The following ZFPM2 variants were observed in gnomAD, a reference collection of about 807,000 sequenced individuals.
The protein encoded by ZFPM2 is zinc finger protein, FOG family member 2, also known as zinc finger protein ZFPM2.
ZFPM2 carries 20 observed loss-of-function variants against 98.6 expected under a neutral mutation model. That is an observed-to-expected ratio of 0.20 (90% confidence interval 0.14 to 0.29). The LOEUF (loss-of-function observed/expected upper bound fraction) is 0.29, where lower values mean the gene tolerates loss of function less well. Ranked by LOEUF, ZFPM2 falls within the 10% of genes least tolerant of loss-of-function variation. ZFPM2 has a pLI of 1.00. For missense variants in ZFPM2, 1,310 were observed against 1,388.6 expected, an observed-to-expected ratio of 0.94 and a Z score of 0.90; for synonymous variants, 518 against 502.7, an observed-to-expected ratio of 1.03 and a Z score of -0.41.
At chr8:105,412,326 G>A (rs911878389) in intron 1 of ZFPM2, among the ~76,000 whole-genome samples, 3 of 151,554 alleles carry the variant, frequency 2.0e-5, no homozygotes, top group Non-Finnish European at 4.4e-5. Flanking sequence ...CACAGATCTC[G>A]TTTTTAATAA....
chr8:105,478,835 T>C (rs1813060900), intron 3 of ZFPM2, among the ~76,000 whole-genome samples: 1 of 152,220 alleles, frequency 6.6e-6, no homozygotes, highest in Non-Finnish European at 1.5e-5. Flanking sequence ...TAATCAGTAT[T>C]CAGTTATCCT....
At position 105,711,515 on chromosome 8, in the gene ZFPM2, C is replaced by T. The variant is rs144955703; in HGVS notation, c.532+77158C>T. On this transcript the variant is annotated intron_variant, in intron 5 of 7. Transcript: ENST00000407775. ...TGTCACCTGGCTCAAATCCTCTCTT[C>T]TAGACATACTCTTTGTAATTCCTAT... Among the ~76,000 whole-genome samples, 433 of 152,182 alleles carry T rather than the reference C, an allele frequency of 2.8e-3. 2 individuals carry two copies. Among genetic ancestry groups the T allele is most frequent in the African/African-American group, 9.4e-3 (389 of 41,554 alleles).
intron 1 of ZFPM2, among the ~76,000 whole-genome samples, chr8:105,413,873 G>A (rs1206418221): frequency 2.0e-5 from 3 of 151,916 alleles, no homozygotes; most frequent in East Asian, 3.9e-4. Context: ...GGATACATTG[G>A]GAAGCTCTGG....
chr8:105,630,534 T>C (rs1003359641), intron 4 of ZFPM2, among the ~76,000 whole-genome samples: 1 of 152,202 alleles, frequency 6.6e-6, no homozygotes, highest in Non-Finnish European at 1.5e-5. Flanking sequence ...TTCTGCCTTA[T>C]TGATTTGGAC....
chr8:105,739,282 G>A (rs1397583957), intron 5 of ZFPM2, among the ~76,000 whole-genome samples: 1 of 152,000 alleles, frequency 6.6e-6, no homozygotes, highest in Non-Finnish European at 1.5e-5. Flanking sequence ...TTGGCCTTTA[G>A]CATGGTAACG....
At chr8:105,622,958 T>C (rs925046862) in intron 4 of ZFPM2, among the ~76,000 whole-genome samples, 14 of 152,166 alleles carry the variant, frequency 9.2e-5, no homozygotes, top group Non-Finnish European at 4.4e-5. Context: ...CTTATACCCA[T>C]CTATAAACAT....
intron 1 of ZFPM2, among the ~76,000 whole-genome samples, chr8:105,409,018 G>T (rs913954582): frequency 3.3e-5 from 5 of 151,850 alleles, no homozygotes. Flanking sequence ...GTATTGGAGT[G>T]AGGAATGCTG....
chr8:105,513,419 A>G (rs1387594821), intron 3 of ZFPM2, among the ~76,000 whole-genome samples: 2 of 152,194 alleles, frequency 1.3e-5, no homozygotes, highest in South Asian at 2.1e-4. Context: ...TTTAAGGTCT[A>G]TATAAGGAGC....
At chr8:105,613,487 T>G (rs569767535) in intron 4 of ZFPM2, among the ~76,000 whole-genome samples, 10 of 152,196 alleles carry the variant, frequency 6.6e-5, no homozygotes, top group Non-Finnish European at 1.5e-4. Context: ...CAGGAACAAT[T>G]TTGCAAAGGA....
At chr8:105,711,910 T>C (rs1051030447) in intron 5 of ZFPM2, among the ~76,000 whole-genome samples, 1 of 152,118 alleles carries the variant, frequency 6.6e-6, no homozygotes, top group African/African-American at 2.4e-5. Flanking sequence ...TGGTTTTATA[T>C]ATATCTATTG....
intron 1 of ZFPM2, among the ~76,000 whole-genome samples, chr8:105,340,343 C>A (rs181734699): frequency 6.6e-6 from 1 of 151,944 alleles, no homozygotes; most frequent in South Asian, 2.1e-4. Flanking sequence ...CACTCAGAAA[C>A]GTACCCATAA....
intron 5 of ZFPM2, among the ~76,000 whole-genome samples, chr8:105,752,109 C>A (rs907422852): frequency 6.6e-6 from 1 of 151,922 alleles, no homozygotes; most frequent in Non-Finnish European, 1.5e-5. Context: ...ATTTCAGTAG[C>A]CATTATTTGA....
chr8:105,339,259 T>G (rs1329539184), intron 1 of ZFPM2, among the ~76,000 whole-genome samples: 1 of 151,866 alleles, frequency 6.6e-6, no homozygotes, highest in East Asian at 1.9e-4. Flanking sequence ...CCTGGCATCT[T>G]ATTCTGTTGT....
intron 5 of ZFPM2, among the ~76,000 whole-genome samples, chr8:105,764,287 GACACACACACAC>G (rs59943408): frequency 2.3e-4 from 32 of 139,578 alleles, no homozygotes; most frequent in Admixed American, 1.4e-3. Flanking sequence ...CTCTCTCTCT[GACACACACACAC>G]ACACACACAC....
chr8:105,641,048 G>T (rs560466906), intron 5 of ZFPM2, among the ~76,000 whole-genome samples: 1 of 152,072 alleles, frequency 6.6e-6, no homozygotes, highest in East Asian at 1.9e-4. Flanking sequence ...CTTTTTAAAT[G>T]ACTTCAGGAT....
chr8:105,703,234 A>G (rs1811179087), intron 5 of ZFPM2, among the ~76,000 whole-genome samples: 1 of 152,160 alleles, frequency 6.6e-6, no homozygotes, highest in African/African-American at 2.4e-5. Flanking sequence ...ATACCATAAC[A>G]TATATGGAGC....
chr8:105,699,750 ATAAT>A (rs1191916249), intron 5 of ZFPM2, among the ~76,000 whole-genome samples: 2 of 152,126 alleles, frequency 1.3e-5, no homozygotes, highest in East Asian at 1.9e-4. Context: ...AAACTCTCAA[ATAAT>A]TAATTTGATT....
Position 105,606,215 on chromosome 8 carries a change from T to C in ZFPM2, c.421-28031T>C, listed in dbSNP as rs1421375056. 9.2e-5 allele frequency among the ~76,000 whole-genome samples: 14 copies of C among 152,284 alleles called. No homozygotes were observed. The South Asian group carries it at 2.9e-3, about 32-fold the overall frequency. ...GAAACAAATATTTATTGGTGTTTTC[T>C]ATGTTTGCCTCTAAATATTATCTCT... On this transcript the variant is annotated intron_variant, in intron 4 of 7. Coordinates refer to ENST00000407775, the MANE Select transcript of ZFPM2 (RefSeq NM_012082.4).
chr8:105,363,978 G>GT (rs974595038), intron 1 of ZFPM2, among the ~76,000 whole-genome samples: 1 of 151,646 alleles, frequency 6.6e-6, no homozygotes, highest in South Asian at 2.1e-4. Context: ...TGAGATATAG[G>GT]TTTTTTTTCT....
Sources: allele counts gnomAD v4.1 joint callset (sites outside exome capture counted in the v4.1 genomes callset), GRCh38; gene constraint gnomAD v4.1.1; transcripts MANE v1.5; gene names NCBI Gene and HGNC (gene_info 2026-07-23, HGNC 2026-07-21).